Variants in EP300 observed in about 807,000 individuals in gnomAD.
The protein encoded by EP300 is EP300 lysine acetyltransferase.
Under a neutral mutation model 264.0 loss-of-function variants are expected in EP300, and 31 were observed. The observed-to-expected ratio is 0.12, with a 90% CI of 0.09 to 0.16. EP300 has a LOEUF of 0.16. EP300 is among the 10% of genes least tolerant of loss of function. The pLI is 1.00. For missense variants in EP300, 2,766 were observed against 3,052.9 expected, an observed-to-expected ratio of 0.91 and a Z score of 2.21; for synonymous variants, 1,340 against 1,045.4, an observed-to-expected ratio of 1.28 and a Z score of -5.44.
Position 41,137,779 on chromosome 22 carries a change from T to C in EP300, c.1749T>C (p.Leu583=), listed in dbSNP as rs1168038314. Residue 583 remains leucine (L), a synonymous_variant, in exon 8 of 31, where the codon CTT becomes CTC. Coordinates refer to ENST00000263253, the MANE Select transcript of EP300 (RefSeq NM_001429.4). ...EDITQDLRNH[L]VHKLVQAIFP... is the part of the protein sequence containing the mutation. ...TTACTCAGGATCTTCGAAATCATCTTGTTCACAAACTGTAAGTAAGATTGT... is the reference window on the plus strand; with the variant it reads ...TTACTCAGGATCTTCGAAATCATCTCGTTCACAAACTGTAAGTAAGATTGT... 6.2e-7 allele frequency: 1 copy of C among 1,614,118 alleles called. No individual in the cohort carries two copies. Among genetic ancestry groups the C allele is most frequent in the Non-Finnish European group, 8.5e-7 (1 of 1,180,042 alleles).
chr22:41,160,117 C>A (rs933867461), intron 19 of EP300: 1 of 159,070 alleles, frequency 6.3e-6, no homozygotes, highest in Non-Finnish European at 1.4e-5. Flanking sequence ...TTCTTCTCTC[C>A]CTGGTATATT....
At chr22:41,109,706 C>T (rs1384529406) in intron 1 of EP300, among the ~76,000 whole-genome samples, 2 of 151,574 alleles carry the variant, frequency 1.3e-5, no homozygotes, top group Non-Finnish European at 2.9e-5. Context: ...AAGGTTATCC[C>T]TGCATCTTTT....
rs907120636 is a variant in EP300, at chr22:41,152,418, T to C, written c.3142+68T>C. The stretch of plus-strand genomic sequence containing the variant: ...CCAAAGACCCAGGGCAGAATTGCGG[T>C]CATGCCTCTTGGGCCTCAGAAGTTG... On this transcript the variant is annotated intron_variant, in intron 16 of 30. Transcript: ENST00000263253. The C allele has an allele frequency of 2.6e-6, 4 of 1,554,680 alleles. No individual in the cohort carries two copies. In the Admixed American group the frequency reaches 7.7e-5, roughly 30 times the overall value.
At chr22:41,164,594 C>G (rs1029840589) in intron 22 of EP300, among the ~76,000 whole-genome samples, 2 of 152,064 alleles carry the variant, frequency 1.3e-5, no homozygotes, top group African/African-American at 4.8e-5. Context: ...CGCCTGTAAT[C>G]CAGCTACTCA....
At chr22:41,175,391 G>A (rs1462232727) in intron 29 of EP300, among the ~76,000 whole-genome samples, 1 of 152,264 alleles carries the variant, frequency 6.6e-6, no homozygotes, top group East Asian at 1.9e-4. Flanking sequence ...TTTAATAGGT[G>A]TTTATAGTTA....
At position 41,152,267 on chromosome 22, in the gene EP300, A is replaced by C; in HGVS notation, c.3059A>C (p.Lys1020Thr). ...TETEERSTEL[K>T]TEIKEEEDQP... is the part of the protein sequence containing the mutation. ...ACAGAAGAGAGAAGCACTGAGTTAA[A>C]AACTGAAATAAAAGAGGAGGAAGAC... Residue 1020 changes from lysine to threonine, a missense_variant, in exon 16 of 31, where the codon AAA becomes ACA. Coordinates refer to ENST00000263253, the MANE Select transcript of EP300 (RefSeq NM_001429.4). 6.2e-7 allele frequency: 1 copy of C among 1,614,192 alleles called. No individual in the cohort carries two copies.
rs541560508 is a variant in EP300, at chr22:41,150,471, G to A, written c.2817+273G>A. Reference sequence around the variant, plus strand: ...GGTCTGAAGGTACGTAAAGGGGTACGACAAGGGGACACAATCCTTCTCCTT... The same window carrying A: ...GGTCTGAAGGTACGTAAAGGGGTACAACAAGGGGACACAATCCTTCTCCTT... On this transcript the variant is annotated intron_variant, in intron 14 of 30. Coordinates refer to ENST00000263253, the MANE Select transcript of EP300 (RefSeq NM_001429.4). Among the ~76,000 whole-genome samples, 10 of 152,282 alleles carry A rather than the reference G, an allele frequency of 6.6e-5. No homozygotes were observed. The South Asian group carries it at 1.5e-3, about 22-fold the overall frequency.
intron 1 of EP300, among the ~76,000 whole-genome samples, chr22:41,097,273 G>A (rs1046344600): frequency 2.0e-5 from 3 of 152,264 alleles, no homozygotes; most frequent in Admixed American, 1.3e-4. Flanking sequence ...TCTTGAATGC[G>A]TTACAATATG....
chr22:41,173,550 G>A (rs779759033), intron 28 of EP300, 73 bp from the exon 29 acceptor site: 148 of 1,458,800 alleles, frequency 1.0e-4, no homozygotes, highest in Non-Finnish European at 1.3e-4. Context: ...TCAAAGAAGG[G>A]AGATATTCTG....
At chr22:41,155,182 C>A in intron 17 of EP300, 69 bp downstream of exon 17, 1 of 1,154,802 alleles carries the variant, frequency 8.7e-7, no homozygotes, top group Non-Finnish European at 1.3e-6. Flanking sequence ...AGATAATTCA[C>A]ATTCCAAACA....
At position 41,179,022 on chromosome 22, in the gene EP300, A is replaced by G; in HGVS notation, c.*66A>G. 6.3e-7 allele frequency: 1 copy of G among 1,589,524 alleles called. No individual in the cohort carries two copies. The highest frequency in any genetic ancestry group is 8.6e-7 in the Non-Finnish European group (1 of 1,167,216). ...TCTTAACAAGACTTTTTGTACTGAA[A>G]ACAATTTTTTTGAATCTTTCGTAGC... On this transcript the variant is annotated 3_prime_UTR_variant, in exon 31 of 31. Transcript: ENST00000263253.
At chr22:41,167,407 C>G (rs563365756) in intron 23 of EP300, among the ~76,000 whole-genome samples, 1 of 151,926 alleles carries the variant, frequency 6.6e-6, no homozygotes, top group South Asian at 2.1e-4. Flanking sequence ...CACTAATAAT[C>G]TAAATGTAGT....
chr22:41,109,633 A>T (rs1324405206), intron 1 of EP300, among the ~76,000 whole-genome samples: 1 of 152,140 alleles, frequency 6.6e-6, no homozygotes, highest in African/African-American at 2.4e-5. Context: ...CTTTACATTT[A>T]TTCACTCATT....
chr22:41,160,774 T>G (rs1366602432), intron 20 of EP300, 52 bp downstream of exon 20: 3 of 1,494,970 alleles, frequency 2.0e-6, no homozygotes, highest in Non-Finnish European at 2.8e-6. Context: ...TGTCCAGTGA[T>G]TATGCACAGC....
intron 4 of EP300, 38 bp downstream of exon 4, chr22:41,127,786 T>C: frequency 6.2e-7 from 1 of 1,613,240 alleles, no homozygotes; most frequent in Non-Finnish European, 8.5e-7. Context: ...TTAGCAATTT[T>C]TACAGCCAGG....
intron 1 of EP300, among the ~76,000 whole-genome samples, chr22:41,111,050 C>CT (rs2145688707): frequency 6.6e-6 from 1 of 151,650 alleles, no homozygotes; most frequent in Non-Finnish European, 1.5e-5. Context: ...ACTGCAAACT[C>CT]TGCCTCCTGG....
chr22:41,146,566 C>G (rs573954652), intron 10 of EP300, 173 bp from the exon 11 acceptor site: 3 of 644,252 alleles, frequency 4.7e-6, no homozygotes, highest in African/African-American at 1.8e-5. Flanking sequence ...TTCTGTATTC[C>G]AGAAATAACA....
At chr22:41,116,104 T>TA (rs2058819837) in intron 1 of EP300, among the ~76,000 whole-genome samples, 1 of 152,250 alleles carries the variant, frequency 6.6e-6, no homozygotes, top group African/African-American at 2.4e-5. Flanking sequence ...TGACTGTGGA[T>TA]ACAAACCTTT....
rs1190999698 is a variant in EP300 at position 41,179,629 on chromosome 22, T to C, written c.*673T>C. On this transcript the variant is annotated 3_prime_UTR_variant, in exon 31 of 31. Transcript: ENST00000263253. ...AAGTCTGAGCGTAAAACTTCAAGTATTAAAATAATTTGTACATGTAGAGAG... is the reference window on the plus strand; with the variant it reads ...AAGTCTGAGCGTAAAACTTCAAGTACTAAAATAATTTGTACATGTAGAGAG... 4.5e-6 allele frequency: 1 copy of C among 223,718 alleles called. No individual in the cohort carries two copies. The highest frequency in any genetic ancestry group is 5.7e-5 in the Admixed American group (1 of 17,402). 13.9% of individuals were successfully genotyped at this position (223,718 alleles called of 1,614,324 possible).
Sources: gnomAD v4.1 joint callset for allele counts (sites outside exome capture counted in the v4.1 genomes callset) on GRCh38, gnomAD v4.1.1 for gene constraint, MANE v1.5 for transcripts, NCBI Gene and HGNC (gene_info 2026-07-23, HGNC 2026-07-21) for gene names.